The following OR9Q1 variants were observed in gnomAD, a reference collection of about 807,000 sequenced individuals.
OR9Q1 encodes olfactory receptor 9Q1.
For missense variants in OR9Q1, 374 were observed against 378.8 expected, an observed-to-expected ratio of 0.99 and a Z score of 0.11; for synonymous variants, 153 against 148.6, an observed-to-expected ratio of 1.03 and a Z score of -0.22.
intron 1 of OR9Q1, among the ~76,000 whole-genome samples, chr11:58,048,243 G>A (rs920163606): frequency 6.6e-6 from 1 of 152,180 alleles, no homozygotes; most frequent in Admixed American, 6.5e-5. Context: ...ACAAAGAAGT[G>A]TGGCTGATAA....
At chr11:58,061,767 C>T (rs1363998208) in intron 2 of OR9Q1, among the ~76,000 whole-genome samples, 1 of 152,214 alleles carries the variant, frequency 6.6e-6, no homozygotes, top group Non-Finnish European at 1.5e-5. Flanking sequence ...ACATTTGGAG[C>T]TCCCTTGGAT....
chr11:58,025,980 G>A (rs1247107534), intron 1 of OR9Q1, among the ~76,000 whole-genome samples: 4 of 152,106 alleles, frequency 2.6e-5, no homozygotes, highest in Non-Finnish European at 5.9e-5. Flanking sequence ...ATTTAATTGG[G>A]AAATTGTTTC....
chr11:58,127,403 C>T (rs564631909), intron 2 of OR9Q1, among the ~76,000 whole-genome samples: 1 of 152,304 alleles, frequency 6.6e-6, no homozygotes, highest in Non-Finnish European at 1.5e-5. Context: ...CAGGAAATAG[C>T]TAAGCAAAGA....
intron 1 of OR9Q1, among the ~76,000 whole-genome samples, chr11:58,050,342 T>C (rs1344993314): frequency 1.4e-5 from 2 of 144,204 alleles, no homozygotes; most frequent in Non-Finnish European, 3.0e-5. Context: ...AAACAAGCAA[T>C]GGGGAAAGGA....
chr11:58,159,504 A>G (rs757470083), intron 2 of OR9Q1, among the ~76,000 whole-genome samples: 1 of 152,190 alleles, frequency 6.6e-6, no homozygotes, highest in Non-Finnish European at 1.5e-5. Context: ...GGATTGAGAA[A>G]GCTTTAACAG....
In OR9Q1 at chr11:58,157,558, G is replaced by GAGGA. The variant is rs145084132; in HGVS notation, c.-14-21852_-14-21849dup. Among the ~76,000 whole-genome samples the GAGGA allele has an allele frequency of 7.1e-3, 1,079 of 152,162 alleles. 9 individuals are homozygous for GAGGA. Among genetic ancestry groups the GAGGA allele is most frequent in the African/African-American group, 0.019 (779 of 41,502 alleles). On this transcript the variant is annotated intron_variant, in intron 2 of 2. Coordinates refer to ENST00000335397, the MANE Select transcript of OR9Q1 (RefSeq NM_001005212.4). Reference sequence around the variant, plus strand: ...GAAGAAAAGAAGGAAGGAAAAGACAGAGGAAGGAAGGAAGGAAGGAAGGAT... The same window carrying GAGGA: ...GAAGAAAAGAAGGAAGGAAAAGACAGAGGAAGGAAGGAAGGAAGGAAGGAAGGAT...
At chr11:58,176,402 C>G (rs904599848) in intron 2 of OR9Q1, among the ~76,000 whole-genome samples, 2 of 152,162 alleles carry the variant, frequency 1.3e-5, no homozygotes, top group Non-Finnish European at 2.9e-5. Flanking sequence ...CAATAATTGC[C>G]TTTCCTTAGA....
intron 2 of OR9Q1, among the ~76,000 whole-genome samples, chr11:58,066,399 G>T: frequency 6.6e-6 from 1 of 152,090 alleles, no homozygotes; most frequent in East Asian, 1.9e-4. Flanking sequence ...TGGGCCTTTG[G>T]CTGGGGGTCC....
chr11:58,144,186 A>G (rs1456120132), intron 2 of OR9Q1, among the ~76,000 whole-genome samples: 1 of 35,890 alleles, frequency 2.8e-5, no homozygotes, highest in Non-Finnish European at 5.3e-5. Flanking sequence ...CCCTCCCCCC[A>G]CCCCACAACA....
rs769575312 is a variant in OR9Q1, at chr11:58,180,113, G to C, written c.669G>C (p.Val223=). The change falls in exon 3 of 3, where the codon GTG becomes GTC. Residue 223 remains valine (V), a synonymous_variant. Transcript: ENST00000335397. ...VILVSYLFII[V]AIMGIPAGSQ... The stretch of plus-strand genomic sequence containing the variant: ...TGGTGTCCTACCTGTTTATCATCGT[G>C]GCCATCATGGGGATCCCTGCTGGAA... 1 of 1,613,968 alleles carries C rather than the reference G, an allele frequency of 6.2e-7. No homozygotes were observed. Among genetic ancestry groups the C allele is most frequent in the African/African-American group, 1.3e-5 (1 of 74,888 alleles).
intron 2 of OR9Q1, among the ~76,000 whole-genome samples, chr11:58,162,695 T>A (rs1041008925): frequency 6.6e-6 from 1 of 152,160 alleles, no homozygotes; most frequent in Non-Finnish European, 1.5e-5. Context: ...ATTCATATAT[T>A]TTGAGTGCTT....
chr11:58,058,777 A>G (rs1841841569), intron 2 of OR9Q1, among the ~76,000 whole-genome samples: 2 of 152,166 alleles, frequency 1.3e-5, no homozygotes, highest in Non-Finnish European at 2.9e-5. Flanking sequence ...GCAGCTGCTG[A>G]TCCAGCCACT....
At chr11:58,032,180 G>A (rs1231079042) in intron 1 of OR9Q1, among the ~76,000 whole-genome samples, 1 of 152,120 alleles carries the variant, frequency 6.6e-6, no homozygotes, top group Non-Finnish European at 1.5e-5. Flanking sequence ...TGGTCACACT[G>A]CCCAAAGCAA....
intron 2 of OR9Q1, among the ~76,000 whole-genome samples, chr11:58,139,515 T>A (rs1426102069): frequency 1.3e-5 from 2 of 152,112 alleles, no homozygotes; most frequent in Non-Finnish European, 2.9e-5. Flanking sequence ...TTCCCATCTA[T>A]GAGTGAGAAC....
At chr11:58,160,378 A>G (rs1036558495) in intron 2 of OR9Q1, among the ~76,000 whole-genome samples, 2 of 152,246 alleles carry the variant, frequency 1.3e-5, no homozygotes, top group Non-Finnish European at 2.9e-5. Flanking sequence ...AATGTGGGCT[A>G]TAGGAGGAAA....
intron 2 of OR9Q1, among the ~76,000 whole-genome samples, chr11:58,120,805 T>C (rs1854022676): frequency 1.4e-5 from 1 of 72,390 alleles, no homozygotes; most frequent in Non-Finnish European, 3.2e-5. Context: ...TTCAATACCA[T>C]ATATATATAT....
intron 2 of OR9Q1, among the ~76,000 whole-genome samples, chr11:58,172,992 T>C (rs1266365852): frequency 6.6e-6 from 1 of 152,112 alleles, no homozygotes. Context: ...ATTATAATGA[T>C]TTCTGTCTAG....
intron 2 of OR9Q1, among the ~76,000 whole-genome samples, chr11:58,152,324 C>T (rs1854361223): frequency 6.6e-6 from 1 of 152,042 alleles, no homozygotes; most frequent in Admixed American, 6.6e-5. Flanking sequence ...AAATTCAGGA[C>T]ATTTAAAATA....
chr11:58,107,760 A>C (rs528848258), intron 2 of OR9Q1, among the ~76,000 whole-genome samples: 14 of 151,782 alleles, frequency 9.2e-5, no homozygotes, highest in Admixed American at 7.2e-4. Context: ...TCTCTTCTTT[A>C]ATTTCTTTCA....
Sources: allele counts gnomAD v4.1 joint callset (sites outside exome capture counted in the v4.1 genomes callset), GRCh38; gene constraint gnomAD v4.1.1; transcripts MANE v1.5; gene names NCBI Gene and HGNC (gene_info 2026-07-23, HGNC 2026-07-21).